Variants in FAM135A observed in about 807,000 individuals in gnomAD.
FAM135A encodes the protein protein FAM135A.
A neutral mutation model predicts 146.8 loss-of-function variants in FAM135A; 79 were observed. That is an observed-to-expected ratio of 0.54 (90% CI 0.45 to 0.65). FAM135A has a LOEUF of 0.65. Among genes scored for constraint, FAM135A ranks in the 30% least tolerant of loss-of-function variants. The pLI, the probability that FAM135A is intolerant of heterozygous loss-of-function variation, is 0.00. For missense variants in FAM135A, 1,623 were observed against 1,758.2 expected (o/e 0.92, Z 1.38); for synonymous variants, 562 against 603.6 (o/e 0.93, Z 1.01).
At chr6:70,486,207 A>G in intron 10 of FAM135A, 1 of 1,613,912 alleles carries the variant, frequency 6.2e-7, no homozygotes, top group Non-Finnish European at 8.5e-7. Flanking sequence ...GTCTTCTCAG[A>G]AGAAAACAGC....
At chr6:70,450,751 T>G (rs1178309555) in intron 4 of FAM135A, among the ~76,000 whole-genome samples, 2 of 101,004 alleles carry the variant, frequency 2.0e-5, no homozygotes, top group African/African-American at 4.7e-5. Flanking sequence ...TTTTTTTTTT[T>G]TTTTTTTGAG....
At chr6:70,476,132 G>T (rs1271038780) in intron 7 of FAM135A, among the ~76,000 whole-genome samples, 1 of 152,102 alleles carries the variant, frequency 6.6e-6, no homozygotes, top group Non-Finnish European at 1.5e-5. Context: ...CAAGACTGAC[G>T]ATGTGCACTT....
chr6:70,495,535 T>C (rs776999754), intron 11 of FAM135A, among the ~76,000 whole-genome samples: 1 of 152,178 alleles, frequency 6.6e-6, no homozygotes, highest in Non-Finnish European at 1.5e-5. Context: ...TTGCAGTATT[T>C]AAAAAGAAAT....
At chr6:70,484,839 G>A (rs921201379) in intron 10 of FAM135A, among the ~76,000 whole-genome samples, 6 of 152,122 alleles carry the variant, frequency 3.9e-5, no homozygotes, top group Non-Finnish European at 8.8e-5. Flanking sequence ...GACAGTGTTA[G>A]CAATTATTAT....
chr6:70,422,910 A>C (rs35843356), intron 2 of FAM135A, among the ~76,000 whole-genome samples: 3,799 of 152,300 alleles, frequency 0.025, 84 homozygotes, highest in South Asian at 0.043. Flanking sequence ...TTAAAGACTA[A>C]TAAGTAAAAT....
At chr6:70,469,076 A>G (rs1381669376) in intron 5 of FAM135A, among the ~76,000 whole-genome samples, 1 of 152,096 alleles carries the variant, frequency 6.6e-6, no homozygotes, top group Non-Finnish European at 1.5e-5. Flanking sequence ...ATAGCACTTA[A>G]TGCTTGTAAC....
At chr6:70,444,290 C>T (rs147844827) in intron 4 of FAM135A, among the ~76,000 whole-genome samples, 7 of 152,296 alleles carry the variant, frequency 4.6e-5, no homozygotes, top group Admixed American at 2.0e-4. Context: ...GTAATCCCAG[C>T]TACTCCAGGG....
At chr6:70,463,599 A>G (rs1277023643) in intron 5 of FAM135A, among the ~76,000 whole-genome samples, 2 of 152,038 alleles carry the variant, frequency 1.3e-5, no homozygotes, top group Non-Finnish European at 2.9e-5. Flanking sequence ...TTATGTTGTT[A>G]TAATTTTTTC....
intron 11 of FAM135A, among the ~76,000 whole-genome samples, chr6:70,498,437 C>A (rs1787802220): frequency 6.6e-6 from 1 of 152,082 alleles, no homozygotes. Context: ...CTCCTGGATT[C>A]ATTGATTTTC....
intron 4 of FAM135A, among the ~76,000 whole-genome samples, chr6:70,447,916 T>G (rs1225258793): frequency 6.6e-6 from 1 of 152,174 alleles, no homozygotes; most frequent in Admixed American, 6.5e-5. Context: ...AGAGTAGCCT[T>G]ATGCAGATTA....
At chr6:70,424,869 TG>T (rs1394480975) in intron 2 of FAM135A, among the ~76,000 whole-genome samples, 1 of 152,128 alleles carries the variant, frequency 6.6e-6, no homozygotes, top group African/African-American at 2.4e-5. Context: ...CACATAACAG[TG>T]GTTATTAGTA....
chr6:70,537,960 ATCT>A (rs142561298), intron 19 of FAM135A, among the ~76,000 whole-genome samples: 22,932 of 152,072 alleles, frequency 0.15, 1,896 homozygotes, highest in Middle Eastern at 0.19. Flanking sequence ...GTTTTTCTTC[ATCT>A]TCTTCTTTAT....
intron 4 of FAM135A, among the ~76,000 whole-genome samples, chr6:70,433,359 C>T (rs1772160267): frequency 6.6e-6 from 1 of 152,136 alleles, no homozygotes; most frequent in Non-Finnish European, 1.5e-5. Flanking sequence ...CAGGCATGAG[C>T]CACCGCGCCC....
chr6:70,462,496 A>G (rs747933148), intron 5 of FAM135A, among the ~76,000 whole-genome samples: 16 of 152,160 alleles, frequency 1.1e-4, no homozygotes, highest in Non-Finnish European at 2.2e-4. Context: ...TGGAGGGAAA[A>G]AGGGAAATTT....
rs1801651584 is a variant in FAM135A at position 70,560,037 on chromosome 6, T to C, written c.*116T>C. 1 of 797,456 alleles carries C rather than the reference T, an allele frequency of 1.3e-6. No homozygotes were observed. The highest frequency in any genetic ancestry group is 3.2e-5 in the Admixed American group (1 of 31,738). 49.4% of individuals were successfully genotyped at this position (797,456 alleles called of 1,614,324 possible). A position where few individuals can be genotyped will look rare whatever the true frequency, so the allele number is the denominator to read the frequency against. On this transcript the variant is annotated 3_prime_UTR_variant, in exon 22 of 22. Transcript: ENST00000418814. The stretch of plus-strand genomic sequence containing the variant: ...TAAGAAATATTTATACCTTTTTATA[T>C]GGAAGATAATTTATATCATCCATGT...
intron 11 of FAM135A, among the ~76,000 whole-genome samples, chr6:70,491,927 A>C (rs1275112287): frequency 6.6e-6 from 1 of 151,908 alleles, no homozygotes; most frequent in East Asian, 1.9e-4. Flanking sequence ...TATACATATG[A>C]TACTCCTGTA....
At chr6:70,466,891 T>C (rs1169284002) in intron 5 of FAM135A, among the ~76,000 whole-genome samples, 1 of 152,176 alleles carries the variant, frequency 6.6e-6, no homozygotes, top group Non-Finnish European at 1.5e-5. Context: ...AACATATCTT[T>C]TATGGCACAC....
chr6:70,534,407 A>T (rs2128410573), intron 18 of FAM135A, among the ~76,000 whole-genome samples: 1 of 146,562 alleles, frequency 6.8e-6, no homozygotes, highest in Admixed American at 7.1e-5. Context: ...GCAGTCTCAA[A>T]CCCCTGGGCT....
At chr6:70,495,477 T>C (rs1787012284) in intron 11 of FAM135A, among the ~76,000 whole-genome samples, 1 of 152,120 alleles carries the variant, frequency 6.6e-6, no homozygotes, top group South Asian at 2.1e-4. Context: ...TTCTCTGAGT[T>C]AGGCAAGGTA....
Sources: allele counts gnomAD v4.1 joint callset (sites outside exome capture counted in the v4.1 genomes callset), GRCh38; gene constraint gnomAD v4.1.1; transcripts MANE v1.5; gene names NCBI Gene and HGNC (gene_info 2026-07-23, HGNC 2026-07-21).